Variants in ZNF324B observed in about 807,000 individuals in gnomAD.
ZNF324B encodes the protein zinc finger protein 324B.
Under a neutral mutation model 10.6 loss-of-function variants are expected in ZNF324B, and 7 were observed. That is an observed-to-expected ratio of 0.66 (90% confidence interval 0.38 to 1.24). ZNF324B has a LOEUF of 1.24. ZNF324B is among the 50% of genes most tolerant of loss of function. The probability of loss-of-function intolerance (pLI) is 0.02; values close to 1 mark genes in which losing one functional copy is unlikely to be tolerated. For synonymous variants in ZNF324B, 316 were observed against 321.0 expected, an observed-to-expected ratio of 0.98 and a Z score of 0.17; for missense variants, 640 against 764.7, an observed-to-expected ratio of 0.84 and a Z score of 1.92.
chr19:58,433,116 T>C, the ZNF324B span: 1 of 612,908 alleles, frequency 1.6e-6, no homozygotes, highest in African/African-American at 1.8e-5. Context: ...CCAGGCAAGA[T>C]GGAAAGTGAC....
Position 58,454,262 on chromosome 19 carries a change from A to C in ZNF324B, c.156A>C (p.Gln52His), listed in dbSNP as rs772168746. Residue 52 changes from glutamine to histidine, a missense_variant, in exon 3 of 4, where the codon CAA (glutamine) becomes CAC (histidine). Gln to His is a conservative substitution (Grantham distance 24, BLOSUM62 0). Around this residue, in one of 3 missense-constraint regions of ZNF324B, gnomAD observed 345 missense variants for 387.9 expected, o/e 0.89. Transcript: ENST00000336614. ...LSTSRPRVVIQLERGEEPWVP... is the reference protein window; with the variant it reads ...LSTSRPRVVIHLERGEEPWVP... ...CCTCCCGACCTCGTGTGGTCATTCA[A>C]CTTGAGCGTGGCGAGGAGCCCTGGG... 1.2e-6 allele frequency: 2 copies of C among 1,614,014 alleles called. No individual in the cohort carries two copies. Among genetic ancestry groups the C allele is most frequent in the East Asian group, 2.2e-5 (1 of 44,872 alleles).
At chr19:58,439,452 A>T in the ZNF324B span, among the ~76,000 whole-genome samples, 2 of 152,176 alleles carry the variant, frequency 1.3e-5, no homozygotes, top group African/African-American at 4.8e-5. Context: ...CTAAATGGAG[A>T]CCGGCAGTCC....
chr19:58,437,345 A>G, the ZNF324B span: 1 of 1,072,856 alleles, frequency 9.3e-7, no homozygotes, highest in Non-Finnish European at 1.3e-6. Context: ...CTACTCACCC[A>G]TCCACAGCTT....
At chr19:58,447,923 C>T (rs1032066004), upstream of ZNF324B, among the ~76,000 whole-genome samples, 2 of 152,192 alleles carry the variant, frequency 1.3e-5, no homozygotes, top group African/African-American at 4.8e-5. Flanking sequence ...TTTTGCTTGG[C>T]TCTCATTTGC....
chr19:58,441,480 T>C, the ZNF324B span: 1 of 152,046 alleles, frequency 6.6e-6, no homozygotes, highest in Non-Finnish European at 1.5e-5. Context: ...TAAGCATGAG[T>C]AGGGGTGAAG....
chr19:58,440,359 C>T, the ZNF324B span: 6 of 155,660 alleles, frequency 3.9e-5, no homozygotes, highest in African/African-American at 1.4e-4. Flanking sequence ...GAAGGACCCT[C>T]GCGGTGCCTC....
chr19:58,454,048 C>A (rs1221093595), intron 2 of ZNF324B, among the ~76,000 whole-genome samples, 180 bp from the exon 3 acceptor site: 1 of 152,238 alleles, frequency 6.6e-6, no homozygotes, highest in Non-Finnish European at 1.5e-5. Flanking sequence ...GTGCTCTGGG[C>A]ACAGTTGCTG....
At chr19:58,454,963 G>A in intron 3 of ZNF324B, 1 of 704,550 alleles carries the variant, frequency 1.4e-6, no homozygotes, top group Non-Finnish European at 2.5e-6. Context: ...TCTGGGGGCT[G>A]CCGCCTTGAT....
the ZNF324B span, among the ~76,000 whole-genome samples, chr19:58,446,310 A>G: frequency 1.3e-5 from 2 of 152,192 alleles, no homozygotes; most frequent in African/African-American, 4.8e-5. Flanking sequence ...AAGCTGACAG[A>G]ACCCATGTTG....
the ZNF324B span, among the ~76,000 whole-genome samples, chr19:58,423,690 C>G: frequency 6.6e-6 from 1 of 152,046 alleles, no homozygotes; most frequent in Non-Finnish European, 1.5e-5. Context: ...CTATAGTGAC[C>G]AAAAGAGTGT....
the ZNF324B span, chr19:58,444,344 A>G: frequency 6.6e-6 from 1 of 152,200 alleles, no homozygotes; most frequent in Admixed American, 6.5e-5. Context: ...GTATCTTTAA[A>G]TAGTTGTTAT....
chr19:58,427,488 TCC>T, the ZNF324B span, among the ~76,000 whole-genome samples: 5 of 118,122 alleles, frequency 4.2e-5, no homozygotes, highest in Admixed American at 4.3e-4. Flanking sequence ...CTTCCTTCCT[TCC>T]TTCCTTTCTT....
At chr19:58,434,221 C>G in the ZNF324B span, 1 of 1,614,234 alleles carries the variant, frequency 6.2e-7, no homozygotes, top group Non-Finnish European at 8.5e-7. Context: ...GGATTTACCA[C>G]ATTGACTGCA....
Position 58,456,800 on chromosome 19 carries a change from A to G in ZNF324B, c.*221A>G. 1.6e-6 allele frequency: 1 copy of G among 610,846 alleles called. No individual in the cohort carries two copies. The highest frequency in any genetic ancestry group is 2.9e-6 in the Non-Finnish European group (1 of 350,868). 37.8% of individuals were successfully genotyped at this position (610,846 alleles called of 1,614,324 possible). Reference sequence around the variant, plus strand: ...ATCCTCAAAGAGGTAACACTGCAGAAACATCAGAGGGAGGACATGTCAGCT... The same window carrying G: ...ATCCTCAAAGAGGTAACACTGCAGAGACATCAGAGGGAGGACATGTCAGCT... On this transcript the variant is annotated 3_prime_UTR_variant, in exon 4 of 4. Coordinates refer to ENST00000336614, the MANE Select transcript of ZNF324B (RefSeq NM_207395.3). This position sits in a 1 kb window ranked among gnomAD's most constrained non-coding sequence, Gnocchi z 4.7.
the ZNF324B span, among the ~76,000 whole-genome samples, chr19:58,427,951 CAT>C: frequency 1.3e-5 from 2 of 152,190 alleles, no homozygotes; most frequent in African/African-American, 4.8e-5. Flanking sequence ...ATGTGTCTTA[CAT>C]ATTGGAGACA....
Position 58,456,645 on chromosome 19 carries a change from G to C in ZNF324B, c.*66G>C. The C allele has an allele frequency of 6.5e-7, 1 of 1,534,676 alleles. No homozygotes were observed. Among genetic ancestry groups the C allele is most frequent in the Non-Finnish European group, 8.8e-7 (1 of 1,134,052 alleles). On this transcript the variant is annotated 3_prime_UTR_variant, in exon 4 of 4. Transcript: ENST00000336614. The surrounding 1 kb of genome is among the most constrained non-coding windows in gnomAD (Gnocchi z 4.7). ...AATCCCTTCCACAGCTAAAGGGTCC[G>C]AGTGCTCTTCAGATCCACGATGGGG...
chr19:58,434,476 G>C, the ZNF324B span: 1 of 1,614,198 alleles, frequency 6.2e-7, no homozygotes, highest in Non-Finnish European at 8.5e-7. Flanking sequence ...TTTCCCACAT[G>C]CAATGCACTC....
chr19:58,436,540 C>T, the ZNF324B span, among the ~76,000 whole-genome samples: 1 of 151,710 alleles, frequency 6.6e-6, no homozygotes, highest in Non-Finnish European at 1.5e-5. Flanking sequence ...TGGTGGCAGG[C>T]ACCTGTAGTC....
chr19:58,454,426 C>T (rs761244100), intron 3 of ZNF324B, 82 bp downstream of exon 3: 2 of 884,958 alleles, frequency 2.3e-6, no homozygotes, highest in East Asian at 2.4e-5. Flanking sequence ...TCTGGAAACA[C>T]ATCCTCCTCT....
Sources: allele counts gnomAD v4.1 joint callset (sites outside exome capture counted in the v4.1 genomes callset), GRCh38; gene constraint gnomAD v4.1.1; regional missense constraint gnomAD v4.1.1; non-coding constraint Gnocchi (gnomAD v3.1); transcripts MANE v1.5; gene names NCBI Gene and HGNC (gene_info 2026-07-23, HGNC 2026-07-21).